CDKL4: variants seen among roughly 807,000 people sequenced by gnomAD.
CDKL4 encodes cyclin dependent kinase like 4.
Under a neutral mutation model 42.0 loss-of-function variants are expected in CDKL4, and 44 were observed. That is an observed-to-expected ratio of 1.05 (90% CI 0.82 to 1.35). The LOEUF is 1.35. Among genes scored for constraint, CDKL4 ranks in the 40% most tolerant of loss-of-function variants. The probability of loss-of-function intolerance (pLI) is 0.00; values close to 1 mark genes in which losing one functional copy is unlikely to be tolerated. For missense variants in CDKL4, 393 were observed against 369.9 expected, an observed-to-expected ratio of 1.06 and a Z score of -0.51; for synonymous variants, 120 against 121.6, an observed-to-expected ratio of 0.99 and a Z score of 0.09.
chr2:39,189,998 A>G (rs776864249), intron 6 of CDKL4, among the ~76,000 whole-genome samples: 2 of 152,242 alleles, frequency 1.3e-5, no homozygotes, highest in Non-Finnish European at 2.9e-5. Context: ...AGCTCTAGGC[A>G]GCTGACTCAT....
chr2:39,229,479 T>C, exon 2 of CDKL4: 1 of 1,613,420 alleles, frequency 6.2e-7, no homozygotes, highest in Non-Finnish European at 8.5e-7. Flanking sequence ...TGCATTTGAA[T>C]ACAACCCCAT....
intron 5 of CDKL4, among the ~76,000 whole-genome samples, chr2:39,192,051 T>C (rs1676217615): frequency 1.3e-5 from 2 of 152,262 alleles, no homozygotes; most frequent in Non-Finnish European, 2.9e-5. Flanking sequence ...CTCATTGCTC[T>C]TTTATAAAGT....
chr2:39,175,740 T>C (rs7585411), exon 10 of CDKL4: 13,023 of 226,578 alleles, frequency 0.057, 1,808 homozygotes, highest in African/African-American at 0.28. Flanking sequence ...CGGGAGGGGC[T>C]GCTCTGATGA....
At chr2:39,219,082 G>C (rs1156911468) in intron 3 of CDKL4, among the ~76,000 whole-genome samples, 1 of 152,146 alleles carries the variant, frequency 6.6e-6, no homozygotes, top group African/African-American at 2.4e-5. Flanking sequence ...ACTTTCTCTT[G>C]TCCGTTATTA....
the CDKL4 span, among the ~76,000 whole-genome samples, chr2:39,169,713 A>G: frequency 6.6e-6 from 1 of 152,240 alleles, no homozygotes; most frequent in Non-Finnish European, 1.5e-5. Context: ...ATACACAGAG[A>G]GTTGCAGTTT....
At chr2:39,180,686 C>CTTTTTT (rs1167370938) in intron 8 of CDKL4, among the ~76,000 whole-genome samples, 2 of 121,080 alleles carry the variant, frequency 1.7e-5, no homozygotes, top group Non-Finnish European at 3.4e-5. Flanking sequence ...GAGAGAAAGA[C>CTTTTTT]TTTTTTTTTT....
intron 3 of CDKL4, among the ~76,000 whole-genome samples, chr2:39,217,555 C>A (rs55978422): frequency 0.069 from 10,464 of 152,128 alleles, 1,239 homozygotes; most frequent in African/African-American, 0.24. Flanking sequence ...AGAATAAAAT[C>A]CAGCCTTGTT....
intron 3 of CDKL4, among the ~76,000 whole-genome samples, chr2:39,218,811 C>T (rs553456062): frequency 4.6e-5 from 7 of 152,294 alleles, no homozygotes; most frequent in East Asian, 3.9e-4. Flanking sequence ...ATTAGACCAT[C>T]GGCTTTCCTG....
chr2:39,229,325 C>T, intron 2 of CDKL4, 40 bp downstream of exon 2: 1 of 1,384,364 alleles, frequency 7.2e-7, no homozygotes. Flanking sequence ...ATATTTCACT[C>T]AATTCCATGA....
downstream of CDKL4, among the ~76,000 whole-genome samples, chr2:39,173,812 CAAAA>C (rs548800502): frequency 1.4e-4 from 13 of 95,238 alleles, no homozygotes; most frequent in South Asian, 3.6e-4. Flanking sequence ...GACTCCATCT[CAAAA>C]AAAAAAAAAA....
At chr2:39,212,940 G>T (rs1398878840) in intron 4 of CDKL4, among the ~76,000 whole-genome samples, 1 of 152,148 alleles carries the variant, frequency 6.6e-6, no homozygotes, top group African/African-American at 2.4e-5. Context: ...GGGATTACAG[G>T]CATGAGCCAC....
chr2:39,174,546 G>A (rs1257850266), downstream of CDKL4, among the ~76,000 whole-genome samples: 1 of 152,162 alleles, frequency 6.6e-6, no homozygotes, highest in Non-Finnish European at 1.5e-5. Flanking sequence ...CACGAACATA[G>A]GATATTATCA....
chr2:39,220,732 C>T (rs1362454589), intron 3 of CDKL4, among the ~76,000 whole-genome samples: 5 of 151,818 alleles, frequency 3.3e-5, no homozygotes, highest in Admixed American at 3.3e-4. Context: ...TTACAGGCAC[C>T]TGCCACCACG....
chr2:39,200,555 A>G (rs567816581), intron 5 of CDKL4, among the ~76,000 whole-genome samples: 2 of 152,260 alleles, frequency 1.3e-5, no homozygotes, highest in Admixed American at 1.3e-4. Context: ...AAAAGAACAA[A>G]TCTGGAGGGA....
intron 3 of CDKL4, among the ~76,000 whole-genome samples, chr2:39,222,027 C>A (rs766007866): frequency 3.3e-5 from 5 of 152,150 alleles, no homozygotes; most frequent in African/African-American, 4.8e-5. Flanking sequence ...ATCCTCTGCA[C>A]CAGTGTAAAA....
At chr2:39,175,018 A>C (rs1477265427), downstream of CDKL4, among the ~76,000 whole-genome samples, 3 of 152,078 alleles carry the variant, frequency 2.0e-5, no homozygotes, top group East Asian at 5.8e-4. Context: ...AATTCAGCTC[A>C]GTTATTGAGG....
downstream of CDKL4, among the ~76,000 whole-genome samples, chr2:39,174,204 A>C (rs1362144293): frequency 1.3e-5 from 2 of 152,060 alleles, no homozygotes; most frequent in Non-Finnish European, 2.9e-5. Context: ...CATGAGTTAG[A>C]GACCAGCCTG....
chr2:39,200,455 C>T (rs1676781376), intron 5 of CDKL4, among the ~76,000 whole-genome samples: 1 of 151,960 alleles, frequency 6.6e-6, no homozygotes, highest in Non-Finnish European at 1.5e-5. Flanking sequence ...ATCAAAATAC[C>T]CCCATCATTC....
chr2:39,171,793 G>A (rs2148271169), downstream of CDKL4, among the ~76,000 whole-genome samples: 1 of 152,288 alleles, frequency 6.6e-6, no homozygotes, highest in Admixed American at 6.5e-5. Context: ...ACGAAGAGGC[G>A]GAGCACAGAG....
Sources: gnomAD v4.1 joint callset for allele counts (sites outside exome capture counted in the v4.1 genomes callset) on GRCh38, gnomAD v4.1.1 for gene constraint, MANE v1.5 for transcripts, NCBI Gene and HGNC (gene_info 2026-07-23, HGNC 2026-07-21) for gene names.